The following USH2A variants were observed in gnomAD, a reference collection of about 807,000 sequenced individuals.
USH2A encodes the protein Usher syndrome 2A (autosomal recessive, mild).
Under a neutral mutation model 538.9 loss-of-function variants are expected in USH2A, and 443 were observed. The observed-to-expected ratio is 0.82, with a 90% CI of 0.76 to 0.89. The LOEUF is 0.89. Among genes scored for constraint, USH2A ranks in the 40% least tolerant of loss-of-function variants. USH2A has a pLI of 0.00. For synonymous variants in USH2A, 2,413 were observed against 2,273.5 expected (o/e 1.06, Z -1.75); for missense variants, 6,633 against 6,324.8 (o/e 1.05, Z -1.65).
intron 4 of USH2A, among the ~76,000 whole-genome samples, chr1:216,354,799 C>A (rs983651242): frequency 6.6e-6 from 1 of 150,754 alleles, no homozygotes; most frequent in South Asian, 2.1e-4. Context: ...AGTCTTATTA[C>A]AGAAGAAAGA....
At chr1:216,277,987 G>A (rs1442974224) in intron 11 of USH2A, among the ~76,000 whole-genome samples, 2 of 151,982 alleles carry the variant, frequency 1.3e-5, no homozygotes. Flanking sequence ...CTAGATATTT[G>A]GGGGTTTGTT....
chr1:215,805,433 A>G (rs6688650), intron 49 of USH2A, among the ~76,000 whole-genome samples: 108,417 of 151,910 alleles, frequency 0.71, 39,174 homozygotes, highest in African/African-American at 0.81. Context: ...TGAAGATAAC[A>G]GGGAGTGGAA....
intron 37 of USH2A, among the ~76,000 whole-genome samples, chr1:215,940,539 T>G (rs1666607607): frequency 6.6e-6 from 1 of 152,138 alleles, no homozygotes; most frequent in African/African-American, 2.4e-5. Flanking sequence ...TGCTGAGTAT[T>G]TGTTTATTTT....
At chr1:216,036,305 T>C (rs2029949524) in intron 32 of USH2A, among the ~76,000 whole-genome samples, 1 of 151,902 alleles carries the variant, frequency 6.6e-6, no homozygotes, top group Non-Finnish European at 1.5e-5. Context: ...ATCCAAACTG[T>C]AGAGAATTTA....
intron 45 of USH2A, 141 bp downstream of exon 45, chr1:215,845,683 A>T (rs1231737590): frequency 1.3e-6 from 1 of 799,586 alleles, no homozygotes; most frequent in Non-Finnish European, 2.1e-6. Flanking sequence ...GACAGTGAGC[A>T]CTTAAGCATT....
At chr1:215,981,244 T>G (rs1667746894) in intron 35 of USH2A, among the ~76,000 whole-genome samples, 1 of 152,158 alleles carries the variant, frequency 6.6e-6, no homozygotes, top group African/African-American at 2.4e-5. Context: ...TGAAATGACT[T>G]TTCAGATGTT....
At chr1:215,806,026 T>A (rs916292551) in intron 49 of USH2A, among the ~76,000 whole-genome samples, 48 of 137,204 alleles carry the variant, frequency 3.5e-4, no homozygotes, top group African/African-American at 9.9e-4. Context: ...AAACAGCACC[T>A]CTCTGTGAAA....
chr1:215,863,820 A>T (rs938690209), intron 44 of USH2A, among the ~76,000 whole-genome samples: 4 of 152,134 alleles, frequency 2.6e-5, no homozygotes, highest in African/African-American at 9.7e-5. Flanking sequence ...AAAACATTTT[A>T]AAAAAGGAAA....
chr1:216,245,760 G>A (rs1231004833), intron 13 of USH2A, among the ~76,000 whole-genome samples: 3 of 152,030 alleles, frequency 2.0e-5, no homozygotes, highest in Non-Finnish European at 4.4e-5. Flanking sequence ...ATTATCCTAG[G>A]CTGGATTCTT....
chr1:216,177,829 T>C (rs1205271218), intron 20 of USH2A, among the ~76,000 whole-genome samples: 2 of 152,204 alleles, frequency 1.3e-5, no homozygotes, highest in African/African-American at 2.4e-5. Flanking sequence ...AGCTGAGATT[T>C]ATTCCCCCTT....
At chr1:215,694,897 T>C (rs566811635) in intron 61 of USH2A, among the ~76,000 whole-genome samples, 2 of 152,328 alleles carry the variant, frequency 1.3e-5, no homozygotes, top group Non-Finnish European at 2.9e-5. Flanking sequence ...TCAGCACTCA[T>C]ATAGCAAAAT....
At chr1:216,017,478 AGAAT>A in intron 32 of USH2A, among the ~76,000 whole-genome samples, 1 of 152,352 alleles carries the variant, frequency 6.6e-6, no homozygotes, top group African/African-American at 2.4e-5. Context: ...TTTTTCTCTC[AGAAT>A]TAGTTGGATA....
At chr1:216,250,303 T>A (rs73098648) in intron 12 of USH2A, among the ~76,000 whole-genome samples, 12 of 152,340 alleles carry the variant, frequency 7.9e-5, no homozygotes, top group African/African-American at 2.9e-4. Flanking sequence ...CGAAGGCAGC[T>A]GTTTATTATA....
chr1:215,729,294 G>A (rs1030879155), intron 60 of USH2A, among the ~76,000 whole-genome samples: 1 of 152,120 alleles, frequency 6.6e-6, no homozygotes, highest in African/African-American at 2.4e-5. Flanking sequence ...TTCCCAGGAT[G>A]TTTACAAAGT....
intron 22 of USH2A, among the ~76,000 whole-genome samples, chr1:216,091,970 T>C (rs1039320667): frequency 1.3e-5 from 2 of 152,132 alleles, no homozygotes; most frequent in African/African-American, 4.8e-5. Context: ...GGTGGGAGGA[T>C]TGCTTGAGGC....
At chr1:215,901,336 C>T (rs1259196851) in intron 38 of USH2A, 1 of 242,532 alleles carries the variant, frequency 4.1e-6, no homozygotes, top group Admixed American at 5.2e-5. Context: ...AATCACACCA[C>T]TACATGTGAA....
At chr1:215,857,255 T>C (rs950100428) in intron 44 of USH2A, among the ~76,000 whole-genome samples, 5 of 152,228 alleles carry the variant, frequency 3.3e-5, no homozygotes, top group Admixed American at 1.3e-4. Context: ...TGGTTTTAGT[T>C]TCTGGGTGAA....
chr1:215,759,639 T>C (rs776521329), intron 57 of USH2A, 21 bp downstream of exon 57: 1 of 1,613,798 alleles, frequency 6.2e-7, no homozygotes, highest in Non-Finnish European at 8.5e-7. Flanking sequence ...GTATGATTGG[T>C]AAAGTTTTCT....
chr1:216,121,833 G>T (rs893306484), intron 21 of USH2A, among the ~76,000 whole-genome samples: 1 of 152,176 alleles, frequency 6.6e-6, no homozygotes, highest in Admixed American at 6.5e-5. Context: ...TTATAACAGT[G>T]GATATTGCTT....
Sources: allele counts gnomAD v4.1 joint callset (sites outside exome capture counted in the v4.1 genomes callset), GRCh38; gene constraint gnomAD v4.1.1; transcripts MANE v1.5; gene names NCBI Gene and HGNC (gene_info 2026-07-23, HGNC 2026-07-21).